GRIK4: variants seen among roughly 807,000 people sequenced by gnomAD.
GRIK4 encodes glutamate ionotropic receptor kainate type subunit 4, also known as glutamate receptor ionotropic, kainate 4.
A neutral mutation model predicts 104.9 loss-of-function variants in GRIK4; 40 were observed. The ratio of observed to expected loss-of-function variants is 0.38; its 90% confidence interval spans 0.30 to 0.50. GRIK4 has a LOEUF of 0.50. GRIK4 is among the 20% of genes least tolerant of loss of function. GRIK4 has a pLI of 0.93. For missense variants in GRIK4, 1,047 were observed against 1,308.1 expected (o/e 0.80, Z 3.08); for synonymous variants, 485 against 524.9 (o/e 0.92, Z 1.04).
chr11:120,832,984 C>T (rs1953469750), intron 7 of GRIK4, among the ~76,000 whole-genome samples: 1 of 152,156 alleles, frequency 6.6e-6, no homozygotes, highest in African/African-American at 2.4e-5. Flanking sequence ...CACGTTTAAG[C>T]ACAACCTGCC....
At chr11:120,896,015 A>T (rs7123614) in intron 11 of GRIK4, among the ~76,000 whole-genome samples, 8,792 of 152,204 alleles carry the variant, frequency 0.058, 845 homozygotes, top group African/African-American at 0.2. Context: ...CTTCCGCCCT[A>T]GCCTCACCAA....
chr11:120,526,079 G>A (rs757653855), intron 1 of GRIK4, among the ~76,000 whole-genome samples: 2 of 152,148 alleles, frequency 1.3e-5, no homozygotes, highest in Admixed American at 6.5e-5. Flanking sequence ...ATAGAAGCTG[G>A]GATAGCAGTT....
In GRIK4 at chr11:120,663,817, C is replaced by T. The variant is rs76490139; in HGVS notation, c.82+3417C>T. Among the ~76,000 whole-genome samples, 936 of 152,294 alleles carry T rather than the reference C, an allele frequency of 6.1e-3. 8 individuals carry two copies. Among genetic ancestry groups the T allele is most frequent in the African/African-American group, 0.02 (826 of 41,558 alleles). On this transcript the variant is annotated intron_variant, in intron 3 of 20. Coordinates refer to ENST00000527524, the MANE Select transcript of GRIK4 (RefSeq NM_014619.5). Reference sequence around the variant, plus strand: ...TCCTTCTACTCCTCTTCTTTTTCTTCGTCTTCCTCCTCCATCACCATCAGC... The same window carrying T: ...TCCTTCTACTCCTCTTCTTTTTCTTTGTCTTCCTCCTCCATCACCATCAGC...
At chr11:120,854,946 G>A (rs540853677) in intron 8 of GRIK4, among the ~76,000 whole-genome samples, 73 of 152,020 alleles carry the variant, frequency 4.8e-4, no homozygotes, top group Non-Finnish European at 8.5e-4. Context: ...TTTAAAATGC[G>A]GTGACTCCAA....
chr11:120,748,648 A>G (rs896428167), intron 3 of GRIK4, among the ~76,000 whole-genome samples: 1 of 152,170 alleles, frequency 6.6e-6, no homozygotes, highest in Non-Finnish European at 1.5e-5. Context: ...TTTCCCCACA[A>G]TGGCAAATGG....
intron 3 of GRIK4, among the ~76,000 whole-genome samples, chr11:120,699,770 T>C (rs1463339553): frequency 6.6e-6 from 1 of 151,952 alleles, no homozygotes; most frequent in African/African-American, 2.4e-5. Flanking sequence ...GAAGAAGATA[T>C]TGGAGAGAGG....
chr11:120,852,659 T>A (rs924341996), intron 8 of GRIK4, among the ~76,000 whole-genome samples: 1 of 152,152 alleles, frequency 6.6e-6, no homozygotes, highest in Admixed American at 6.5e-5. Context: ...GCTACTGTCT[T>A]CAAAGACCTA....
chr11:120,632,541 G>T (rs1949344806), intron 1 of GRIK4, among the ~76,000 whole-genome samples: 1 of 152,060 alleles, frequency 6.6e-6, no homozygotes, highest in Non-Finnish European at 1.5e-5. Flanking sequence ...TTCCAGGTTA[G>T]CTCCAGGTAT....
At chr11:120,825,704 G>C (rs2135553505) in intron 6 of GRIK4, among the ~76,000 whole-genome samples, 1 of 152,354 alleles carries the variant, frequency 6.6e-6, no homozygotes, top group East Asian at 1.9e-4. Context: ...GGAGCTGTGT[G>C]ACACGGAGCA....
intron 6 of GRIK4, among the ~76,000 whole-genome samples, chr11:120,830,912 C>T (rs956122071): frequency 6.7e-6 from 1 of 148,568 alleles, no homozygotes; most frequent in Admixed American, 6.7e-5. Flanking sequence ...CACATACCCT[C>T]TGCTGGCTGG....
At chr11:120,890,298 T>A (rs2134450247) in intron 11 of GRIK4, among the ~76,000 whole-genome samples, 1 of 152,294 alleles carries the variant, frequency 6.6e-6, no homozygotes, top group African/African-American at 2.4e-5. Flanking sequence ...TCATACAGCT[T>A]ATGCATGGGA....
intron 3 of GRIK4, among the ~76,000 whole-genome samples, chr11:120,663,404 C>T (rs532218481): frequency 6.6e-6 from 1 of 152,312 alleles, no homozygotes; most frequent in South Asian, 2.1e-4. Flanking sequence ...GTATCCTTGA[C>T]TCCTCTTCCA....
Position 120,702,883 on chromosome 11 carries a change from G to A in GRIK4, c.82+42483G>A, listed in dbSNP as rs927508392. On this transcript the variant is annotated intron_variant, in intron 3 of 20. Coordinates refer to ENST00000527524, the MANE Select transcript of GRIK4 (RefSeq NM_014619.5). ...GCAGGAAGGAAGATGTATTTGTATC[G>A]AAAAGAAAAAAGGAAGTTACCAGCA... 4.6e-5 allele frequency among the ~76,000 whole-genome samples: 7 copies of A among 152,178 alleles called. No homozygotes were observed. The South Asian group carries it at 6.2e-4, about 14-fold the overall frequency.
intron 3 of GRIK4, among the ~76,000 whole-genome samples, chr11:120,771,239 GA>G (rs1951935730): frequency 6.6e-6 from 1 of 152,194 alleles, no homozygotes; most frequent in Non-Finnish European, 1.5e-5. Flanking sequence ...AATGTTGGTA[GA>G]AATATGGAAG....
chr11:120,603,387 T>C (rs1331411938), intron 1 of GRIK4, among the ~76,000 whole-genome samples: 2 of 152,242 alleles, frequency 1.3e-5, no homozygotes, highest in Non-Finnish European at 2.9e-5. Flanking sequence ...ATCTTGGGTG[T>C]ATTCCACCAT....
At position 120,935,388 on chromosome 11, in the gene GRIK4, T is replaced by TA. The variant is rs533201593; in HGVS notation, c.1477-4954dup. Among the ~76,000 whole-genome samples, 233 of 150,416 alleles carry TA rather than the reference T, an allele frequency of 1.5e-3. 2 individuals carry two copies. Among genetic ancestry groups the TA allele is most frequent in the African/African-American group, 5.3e-3 (212 of 39,888 alleles). On this transcript the variant is annotated intron_variant, in intron 13 of 20. Coordinates refer to ENST00000527524, the MANE Select transcript of GRIK4 (RefSeq NM_014619.5). ...CAACATGGTGAAACCCCGTCTCTAC[T>TA]AAAAATACAAAATTAGCCGGGTGTG...
chr11:120,550,684 G>A (rs1948131337), intron 1 of GRIK4, among the ~76,000 whole-genome samples: 1 of 152,112 alleles, frequency 6.6e-6, no homozygotes, highest in Admixed American at 6.5e-5. Flanking sequence ...ACAGGACAGA[G>A]GCCAGGTGAG....
At chr11:120,782,405 C>T (rs962622895) in intron 3 of GRIK4, among the ~76,000 whole-genome samples, 1 of 151,992 alleles carries the variant, frequency 6.6e-6, no homozygotes, top group Non-Finnish European at 1.5e-5. Flanking sequence ...CCTGCCTCAG[C>T]CTCCTGAGTA....
intron 1 of GRIK4, among the ~76,000 whole-genome samples, chr11:120,653,334 C>T (rs899783398): frequency 3.3e-5 from 5 of 152,126 alleles, no homozygotes; most frequent in Non-Finnish European, 7.4e-5. Context: ...TGAGTTTCCC[C>T]TTATGGGAAA....
Sources: gnomAD v4.1 joint callset for allele counts (sites outside exome capture counted in the v4.1 genomes callset) on GRCh38, gnomAD v4.1.1 for gene constraint, MANE v1.5 for transcripts, NCBI Gene and HGNC (gene_info 2026-07-23, HGNC 2026-07-21) for gene names.